VIT: variants seen among roughly 807,000 people sequenced by gnomAD.
The protein encoded by VIT is vitrin.
Under a neutral mutation model 78.0 loss-of-function variants are expected in VIT, and 99 were observed. The observed-to-expected ratio is 1.27, with a 90% CI of 1.08 to 1.50. The LOEUF is 1.50. Ranked by LOEUF, VIT falls within the 40% of genes most tolerant of loss-of-function variation. The pLI, the probability that VIT is intolerant of heterozygous loss-of-function variation, is 0.00. For missense variants in VIT, 1,126 were observed against 875.3 expected (o/e 1.29, Z -3.61); for synonymous variants, 374 against 334.3 (o/e 1.12, Z -1.29).
chr2:36,776,332 A>G (rs550228615), intron 9 of VIT, among the ~76,000 whole-genome samples: 1 of 152,370 alleles, frequency 6.6e-6, no homozygotes, highest in South Asian at 2.1e-4. Flanking sequence ...CAACAACAAC[A>G]TATCACAACT....
In VIT at chr2:36,699,060, A is replaced by G. The variant is rs536369232; in HGVS notation, c.-19+2087A>G. On this transcript the variant is annotated intron_variant, in intron 1 of 15. Transcript: ENST00000379242. ...TAATAAAAACTTCATGGCCCCCAAC[A>G]TGTTCCCATGATGCTGTGTCCACAT... Among the ~76,000 whole-genome samples the G allele has an allele frequency of 4.0e-4, 61 of 152,174 alleles. 1 individual carries two copies. The South Asian group carries it at 0.011, about 28-fold the overall frequency.
rs777370609 is a variant in VIT, at chr2:36,801,331, G to A, written c.1089G>A (p.Lys363=). 14 of 1,613,910 alleles carry A rather than the reference G, an allele frequency of 8.7e-6. No individual in the cohort carries two copies. The highest frequency in any genetic ancestry group is 1.1e-5 in the Non-Finnish European group (13 of 1,180,028). The change falls in exon 13 of 16, where the codon AAG becomes AAA. Residue 363 remains lysine (K), a synonymous_variant. Transcript: ENST00000379242. The part of the protein sequence containing the change: ...GDNPATHFNL[K]THTNSRDLKT... ...ACCCTGCTACTCACTTTAACCTCAA[G>A]ACACACACGAATTCTCGAGATCTGA...
At position 36,742,564 on chromosome 2, in the gene VIT, G is replaced by A. The variant is rs139227009; in HGVS notation, c.119-536G>A. Among the ~76,000 whole-genome samples the A allele has an allele frequency of 4.0e-3, 615 of 152,188 alleles. 3 individuals carry two copies. Among genetic ancestry groups the A allele is most frequent in the African/African-American group, 0.014 (587 of 41,504 alleles). ...CTTCCACATCCTACATAGAACACAA[G>A]CATGCAAGCCTTCTTAATTTGGTCC... On this transcript the variant is annotated intron_variant, in intron 3 of 15. Coordinates refer to ENST00000379242, the MANE Select transcript of VIT (RefSeq NM_053276.4).
Position 36,728,539 on chromosome 2 carries a change from C to T in VIT, c.53-887C>T, listed in dbSNP as rs1424068834. ...TATTAAAGAAAAAATATTGGCCGGGCGCGGTGGCTCACGCCTGTAATCCCA... is the reference window on the plus strand; with the variant it reads ...TATTAAAGAAAAAATATTGGCCGGGTGCGGTGGCTCACGCCTGTAATCCCA... On this transcript the variant is annotated intron_variant, in intron 2 of 15. Coordinates refer to ENST00000379242, the MANE Select transcript of VIT (RefSeq NM_053276.4). Among the ~76,000 whole-genome samples the T allele has an allele frequency of 1.4e-4, 4 of 29,400 alleles. 2 individuals are homozygous for T. The highest frequency in any genetic ancestry group is 2.3e-4 in the Non-Finnish European group (2 of 8,626). 19.3% of individuals were successfully genotyped at this position (29,400 alleles called of 152,430 possible).
At chr2:36,772,841 C>T (rs1354424767) in intron 7 of VIT, among the ~76,000 whole-genome samples, 1 of 152,174 alleles carries the variant, frequency 6.6e-6, no homozygotes, top group African/African-American at 2.4e-5. Context: ...TTTTTCCATG[C>T]CCTCTTGCTC....
chr2:36,761,772 C>G (rs952386342), intron 6 of VIT, among the ~76,000 whole-genome samples: 20 of 152,052 alleles, frequency 1.3e-4, no homozygotes, highest in Admixed American at 9.8e-4. Flanking sequence ...AGTACTTGTG[C>G]CCTTCTGGCT....
At chr2:36,771,882 T>G (rs1669781585) in intron 7 of VIT, among the ~76,000 whole-genome samples, 1 of 152,182 alleles carries the variant, frequency 6.6e-6, no homozygotes. Flanking sequence ...GGCAGATCAT[T>G]CAGTCAAAGA....
At chr2:36,731,803 G>C (rs1328285281) in intron 3 of VIT, among the ~76,000 whole-genome samples, 1 of 152,200 alleles carries the variant, frequency 6.6e-6, no homozygotes, top group Non-Finnish European at 1.5e-5. Context: ...TTTAGATGCA[G>C]TCAACATTCT....
chr2:36,710,234 T>C (rs1345134938), intron 1 of VIT, among the ~76,000 whole-genome samples: 1 of 152,202 alleles, frequency 6.6e-6, no homozygotes, highest in Non-Finnish European at 1.5e-5. Flanking sequence ...TTGTATTTTA[T>C]TAATATTGGA....
chr2:36,713,756 A>G (rs1405604740), intron 1 of VIT, among the ~76,000 whole-genome samples: 3 of 152,192 alleles, frequency 2.0e-5, no homozygotes, highest in Non-Finnish European at 4.4e-5. Flanking sequence ...AGAGAAAGAG[A>G]AAGAGAAGTC....
At chr2:36,715,405 C>T (rs1010369762) in intron 1 of VIT, among the ~76,000 whole-genome samples, 3 of 152,010 alleles carry the variant, frequency 2.0e-5, no homozygotes, top group Non-Finnish European at 4.4e-5. Flanking sequence ...GGCATGGTGG[C>T]ACATGCCTGT....
chr2:36,731,246 G>A (rs1408267588), intron 3 of VIT, among the ~76,000 whole-genome samples: 2 of 152,128 alleles, frequency 1.3e-5, no homozygotes, highest in South Asian at 2.1e-4. Flanking sequence ...CAGCAGTAAG[G>A]CAGAGTGGGA....
chr2:36,808,300 C>T (rs893813552), intron 14 of VIT, among the ~76,000 whole-genome samples, 172 bp from the exon 15 acceptor site: 3 of 152,168 alleles, frequency 2.0e-5, no homozygotes, highest in African/African-American at 7.2e-5. Context: ...CCGGGGGCTT[C>T]GCCTCAGTGA....
intron 4 of VIT, among the ~76,000 whole-genome samples, chr2:36,747,331 A>T (rs1668197162): frequency 6.6e-6 from 1 of 152,160 alleles, no homozygotes; most frequent in Non-Finnish European, 1.5e-5. Context: ...TCAAATGTTG[A>T]GTGTAAGTCC....
intron 6 of VIT, among the ~76,000 whole-genome samples, chr2:36,763,492 A>C (rs1479012386): frequency 6.6e-6 from 1 of 151,962 alleles, no homozygotes; most frequent in Non-Finnish European, 1.5e-5. Context: ...TGGTTCCATG[A>C]AGAATTCACC....
At chr2:36,811,335 A>T (rs1193912980) in intron 15 of VIT, among the ~76,000 whole-genome samples, 6 of 152,202 alleles carry the variant, frequency 3.9e-5, no homozygotes, top group Non-Finnish European at 8.8e-5. Context: ...CAGCTACATC[A>T]TCACTTTTTT....
chr2:36,790,784 C>A (rs890016429), intron 12 of VIT, among the ~76,000 whole-genome samples: 1 of 152,196 alleles, frequency 6.6e-6, no homozygotes, highest in Admixed American at 6.5e-5. Flanking sequence ...ACTGAGACAT[C>A]GTGTGTGGAC....
At chr2:36,780,043 A>G (rs946581517) in intron 9 of VIT, among the ~76,000 whole-genome samples, 15 of 152,214 alleles carry the variant, frequency 9.9e-5, no homozygotes, top group South Asian at 4.1e-4. Flanking sequence ...TGACGCCAGA[A>G]TACAAATGTT....
intron 4 of VIT, among the ~76,000 whole-genome samples, chr2:36,744,354 A>T: frequency 6.6e-6 from 1 of 152,108 alleles, no homozygotes. Flanking sequence ...CAGCAATGGG[A>T]TTGCTGGTCA....
Sources: gnomAD v4.1 joint callset for allele counts (sites outside exome capture counted in the v4.1 genomes callset) on GRCh38, gnomAD v4.1.1 for gene constraint, MANE v1.5 for transcripts, NCBI Gene and HGNC (gene_info 2026-07-23, HGNC 2026-07-21) for gene names.